SFT2D1: variants seen among roughly 807,000 people sequenced by gnomAD.
SFT2D1 encodes the protein SFT2 domain containing 1.
SFT2D1 carries 24 observed loss-of-function variants against 28.1 expected under a neutral mutation model. That is an observed-to-expected ratio of 0.85 (90% CI 0.62 to 1.20). The LOEUF is 1.20. Ranked by LOEUF, SFT2D1 falls within the 50% of genes most tolerant of loss-of-function variation. The pLI is 0.00. For synonymous variants in SFT2D1, 82 were observed against 73.7 expected (o/e 1.11, Z -0.58); for missense variants, 181 against 190.9 (o/e 0.95, Z 0.31).
intron 1 of SFT2D1, chr6:166,331,552 C>T (rs969439072): frequency 3.3e-5 from 5 of 152,504 alleles, no homozygotes; most frequent in African/African-American, 1.2e-4. Context: ...CAAAACTAAA[C>T]ACTTGGTTTT....
intron 4 of SFT2D1, among the ~76,000 whole-genome samples, chr6:166,326,908 T>C (rs954096095): frequency 1.3e-5 from 2 of 152,228 alleles, no homozygotes; most frequent in African/African-American, 4.8e-5. Context: ...TATAAACTAC[T>C]TATATTCTAA....
intron 2 of SFT2D1, 136 bp downstream of exon 2, chr6:166,330,021 CTTTA>C: frequency 1.7e-6 from 1 of 580,010 alleles, no homozygotes; most frequent in Non-Finnish European, 2.9e-6. Flanking sequence ...ATCTCTACCC[CTTTA>C]TTTTAGTTTA....
intron 1 of SFT2D1, chr6:166,335,191 G>A (rs1266761136): frequency 4.8e-6 from 3 of 619,630 alleles, no homozygotes; most frequent in Non-Finnish European, 9.0e-6. Context: ...TGGTGGTTGT[G>A]GAGGTGGTTT....
chr6:166,330,973 A>C (rs899676132), intron 1 of SFT2D1, among the ~76,000 whole-genome samples: 1 of 152,204 alleles, frequency 6.6e-6, no homozygotes, highest in Non-Finnish European at 1.5e-5. Context: ...CCCCTCCTCC[A>C]CCACTGTAAA....
rs35479577 is a variant in SFT2D1 at position 166,341,448 on chromosome 6, T to TA, written c.63+970dup. Among the ~76,000 whole-genome samples the TA allele has an allele frequency of 6.0e-3, 771 of 128,482 alleles. 10 individuals are homozygous for TA. Among genetic ancestry groups the TA allele is most frequent in the African/African-American group, 0.017 (565 of 33,876 alleles). The allele number at this position is 128,482 out of a possible 152,430, so 84.3% of individuals were successfully genotyped here. On this transcript the variant is annotated intron_variant, in intron 1 of 7. Coordinates refer to ENST00000361731, the MANE Select transcript of SFT2D1 (RefSeq NM_145169.3). ...CTGAGCGACAAAGCAAGACTCCATCTAAAAAAAAAAAAAAAAAAAATTCAT... is the reference window on the plus strand; with the variant it reads ...CTGAGCGACAAAGCAAGACTCCATCTAAAAAAAAAAAAAAAAAAAAATTCAT...
intron 1 of SFT2D1, among the ~76,000 whole-genome samples, chr6:166,336,672 C>A (rs1424653272): frequency 2.0e-5 from 3 of 152,156 alleles, no homozygotes; most frequent in Non-Finnish European, 4.4e-5. Context: ...CAGGCTCAAG[C>A]AATCCTCCCA....
At chr6:166,322,294 C>T (rs907185140) in intron 7 of SFT2D1, among the ~76,000 whole-genome samples, 1 of 152,180 alleles carries the variant, frequency 6.6e-6, no homozygotes, top group African/African-American at 2.4e-5. Flanking sequence ...CCCTAGTGCA[C>T]GCCAGGCAGC....
intron 1 of SFT2D1, among the ~76,000 whole-genome samples, chr6:166,340,236 T>C (rs1176294421): frequency 6.6e-6 from 1 of 152,230 alleles, no homozygotes; most frequent in Admixed American, 6.5e-5. Flanking sequence ...AGGACAACTG[T>C]ACTTGTCTCC....
At chr6:166,322,603 G>A (rs1055004574) in intron 7 of SFT2D1, among the ~76,000 whole-genome samples, 7 of 147,254 alleles carry the variant, frequency 4.8e-5, no homozygotes, top group Non-Finnish European at 7.4e-5. Context: ...TGAGGCAGGG[G>A]AATCTTGAAC....
intron 7 of SFT2D1, 50 bp from the exon 8 acceptor site, chr6:166,320,306 A>T: frequency 2.0e-6 from 3 of 1,500,550 alleles, no homozygotes; most frequent in Non-Finnish European, 2.7e-6. Context: ...CCTCAAAAGC[A>T]AAGTTGCGCA....
chr6:166,332,980 G>A (rs972034748), intron 1 of SFT2D1, among the ~76,000 whole-genome samples: 2 of 152,294 alleles, frequency 1.3e-5, no homozygotes, highest in South Asian at 2.1e-4. Context: ...TCCACGGATC[G>A]CCAGGAGACA....
chr6:166,338,086 T>C (rs1238618865), intron 1 of SFT2D1, among the ~76,000 whole-genome samples: 1 of 152,152 alleles, frequency 6.6e-6, no homozygotes, highest in Admixed American at 6.5e-5. Flanking sequence ...CCGTAAGAAA[T>C]AAATTTCTGT....
chr6:166,332,443 A>G (rs1778569298), intron 1 of SFT2D1, among the ~76,000 whole-genome samples: 1 of 152,124 alleles, frequency 6.6e-6, no homozygotes, highest in African/African-American at 2.4e-5. Flanking sequence ...TTTAGTAGAA[A>G]CGGGGTTTCA....
chr6:166,320,833 A>T (rs1298569633), intron 7 of SFT2D1, among the ~76,000 whole-genome samples: 2 of 152,234 alleles, frequency 1.3e-5, no homozygotes, highest in Non-Finnish European at 2.9e-5. Flanking sequence ...TTTAATTTTT[A>T]AAAAGAACTA....
At chr6:166,339,774 C>T (rs1001221758) in intron 1 of SFT2D1, among the ~76,000 whole-genome samples, 1 of 152,210 alleles carries the variant, frequency 6.6e-6, no homozygotes, top group Admixed American at 6.5e-5. Flanking sequence ...CGCCTCTCAG[C>T]TGTCTTTGCC....
At chr6:166,321,130 T>C (rs1342031057) in intron 7 of SFT2D1, among the ~76,000 whole-genome samples, 3 of 151,810 alleles carry the variant, frequency 2.0e-5, no homozygotes, top group African/African-American at 7.3e-5. Context: ...AAAGAACTAA[T>C]GAACTGAGTT....
chr6:166,339,994 C>T (rs58450013), intron 1 of SFT2D1, among the ~76,000 whole-genome samples: 1,935 of 152,314 alleles, frequency 0.013, 37 homozygotes, highest in African/African-American at 0.045. Context: ...CCTGAACCTG[C>T]TCCTCCCACA....
rs749550436 is a variant in SFT2D1 at position 166,320,220 on chromosome 6, A to C, written c.477T>G (p.Ser159Arg). Residue 159 changes from serine to arginine, a missense_variant, in exon 8 of 8, where the codon AGT (serine) becomes AGG (arginine). Physicochemically the swap from Ser to Arg is moderately radical, Grantham distance 110. Transcript: ENST00000361731. Reference protein sequence around the residue: ...AVIKCCSSLLS With the variant: ...AVIKCCSSLLR ...CTTTTCCACAAGTTTCTGATTTTCA[A>C]CTTAGGAGAGAAGAACAGCATTTAA... The C allele has an allele frequency of 8.7e-6, 14 of 1,612,014 alleles. No homozygotes were observed. In the Admixed American group the frequency reaches 2.3e-4, roughly 27 times the overall value.
chr6:166,333,347 C>G (rs1778585520), intron 1 of SFT2D1, among the ~76,000 whole-genome samples: 1 of 152,180 alleles, frequency 6.6e-6, no homozygotes, highest in South Asian at 2.1e-4. Context: ...TGCAGCATCC[C>G]CTGATCTCCA....
Sources: allele counts gnomAD v4.1 joint callset (sites outside exome capture counted in the v4.1 genomes callset), GRCh38; gene constraint gnomAD v4.1.1; transcripts MANE v1.5; gene names NCBI Gene and HGNC (gene_info 2026-07-23, HGNC 2026-07-21).